Variants in SSH2 observed in about 807,000 individuals in gnomAD.
SSH2 encodes slingshot protein phosphatase 2, also known as protein phosphatase Slingshot homolog 2.
SSH2 carries 37 observed loss-of-function variants against 135.2 expected under a neutral mutation model. The ratio of observed to expected loss-of-function variants is 0.27; its 90% confidence interval spans 0.21 to 0.36. The LOEUF (loss-of-function observed/expected upper bound fraction) is 0.36, where lower values mean the gene tolerates loss of function less well. Among genes scored for constraint, SSH2 ranks in the 10% least tolerant of loss-of-function variants. The pLI is 1.00. For synonymous variants in SSH2, 628 were observed against 646.2 expected (o/e 0.97, Z 0.43); for missense variants, 1,408 against 1,765.3 (o/e 0.80, Z 3.63).
chr17:29,859,363 AG>A (rs1185603151), intron 1 of SSH2, among the ~76,000 whole-genome samples: 2 of 151,964 alleles, frequency 1.3e-5, no homozygotes, highest in Non-Finnish European at 2.9e-5. Flanking sequence ...CTCATGTCAC[AG>A]GGGTTTGCTT....
At chr17:29,656,467 C>T (rs1469533824) in intron 11 of SSH2, among the ~76,000 whole-genome samples, 12 of 151,940 alleles carry the variant, frequency 7.9e-5, no homozygotes, top group Admixed American at 5.9e-4. Flanking sequence ...TGAGACACCG[C>T]GCAGGGCCGC....
intron 2 of SSH2, among the ~76,000 whole-genome samples, chr17:29,846,517 A>G (rs1357732428): frequency 1.3e-5 from 2 of 152,246 alleles, no homozygotes; most frequent in African/African-American, 4.8e-5. Context: ...GTCATCTGCA[A>G]AATACTGATA....
At chr17:29,791,036 T>C (rs2042056551) in intron 3 of SSH2, among the ~76,000 whole-genome samples, 1 of 151,850 alleles carries the variant, frequency 6.6e-6, no homozygotes, top group African/African-American at 2.4e-5. Flanking sequence ...TCTGAAAGAT[T>C]ATTTTTATGA....
At chr17:29,864,596 T>C (rs2065821799) in intron 1 of SSH2, among the ~76,000 whole-genome samples, 1 of 151,508 alleles carries the variant, frequency 6.6e-6, no homozygotes, top group Admixed American at 6.6e-5. Context: ...CCACATTACT[T>C]GTAGTTGCAA....
intron 2 of SSH2, among the ~76,000 whole-genome samples, chr17:29,805,801 C>T (rs1323453197): frequency 6.6e-6 from 1 of 151,604 alleles, no homozygotes; most frequent in Non-Finnish European, 1.5e-5. Flanking sequence ...TAGCCTCTGC[C>T]TACTCAAGGT....
intron 1 of SSH2, among the ~76,000 whole-genome samples, chr17:29,908,766 A>AAAAG (rs2066705506): frequency 2.4e-5 from 3 of 126,700 alleles, no homozygotes; most frequent in Non-Finnish European, 4.8e-5. Context: ...TCCATCTGAA[A>AAAAG]AAAAAAAAAA....
At chr17:29,742,229 C>G (rs900078883) in intron 3 of SSH2, among the ~76,000 whole-genome samples, 2 of 151,560 alleles carry the variant, frequency 1.3e-5, no homozygotes, top group South Asian at 4.1e-4. Flanking sequence ...GCCACTGGCC[C>G]GGTTGCTTCA....
At chr17:29,849,738 C>A (rs1295032425) in intron 1 of SSH2, among the ~76,000 whole-genome samples, 3 of 150,396 alleles carry the variant, frequency 2.0e-5, no homozygotes, top group African/African-American at 7.3e-5. Context: ...GTGGCTCATG[C>A]CTGCTAATCC....
At chr17:29,663,407 T>C (rs1375941359) in intron 11 of SSH2, among the ~76,000 whole-genome samples, 1 of 152,110 alleles carries the variant, frequency 6.6e-6, no homozygotes, top group African/African-American at 2.4e-5. Flanking sequence ...AAAGACTCAA[T>C]GGAGAAGAGA....
intron 3 of SSH2, chr17:29,761,068 C>T (rs1458204410): frequency 7.9e-7 from 1 of 1,268,600 alleles, no homozygotes; most frequent in African/African-American, 1.5e-5. Context: ...TTGTTTGCTC[C>T]CCAGGATGCT....
rs1244071890 is a variant in SSH2 at position 29,688,505 on chromosome 17, A to C, written c.358-3821T>G. Among the ~76,000 whole-genome samples the C allele has an allele frequency of 2.6e-5, 4 of 151,036 alleles. No individual in the cohort carries two copies. In the East Asian group the frequency reaches 5.9e-4, roughly 22 times the overall value. On this transcript the variant is annotated intron_variant, in intron 5 of 15. Coordinates refer to ENST00000540801, the MANE Select transcript of SSH2 (RefSeq NM_001282129.2). ...AGCTTCTTTTTTGTTTTTGTGTTTC[A>C]CTCTGTTACCCAGGCTGGAATGCAG...
At chr17:29,742,500 T>TA (rs56020975) in intron 3 of SSH2, among the ~76,000 whole-genome samples, 1 of 145,928 alleles carries the variant, frequency 6.9e-6, no homozygotes, top group Admixed American at 6.8e-5. Context: ...TTTTTTTTTT[T>TA]CTTTTCAATT....
At chr17:29,644,975 T>C (rs962250908) in intron 14 of SSH2, 4 of 151,950 alleles carry the variant, frequency 2.6e-5, no homozygotes, top group Non-Finnish European at 5.9e-5. Context: ...CACCACAATA[T>C]AGGAAATTCT....
intron 1 of SSH2, among the ~76,000 whole-genome samples, chr17:29,862,001 G>A (rs995456102): frequency 2.0e-5 from 3 of 152,148 alleles, no homozygotes; most frequent in Non-Finnish European, 2.9e-5. Flanking sequence ...AAAGAGGATC[G>A]CAAAAACTTA....
In SSH2 at chr17:29,658,736, G is replaced by A. The variant is rs139658087; in HGVS notation, c.1033-3129C>T. 2.0e-3 allele frequency among the ~76,000 whole-genome samples: 311 copies of A among 151,912 alleles called. 1 individual carries two copies. The highest frequency in any genetic ancestry group is 7.2e-3 in the African/African-American group (298 of 41,416). ...TACAAAATTAGCCAGGTGTGGTGAC[G>A]CATGCCTGTAATCATAGCTACTTGG... On this transcript the variant is annotated intron_variant, in intron 11 of 15. Transcript: ENST00000540801.
intron 1 of SSH2, among the ~76,000 whole-genome samples, chr17:29,911,608 T>C (rs1489159427): frequency 6.6e-6 from 1 of 152,148 alleles, no homozygotes; most frequent in African/African-American, 2.4e-5. Context: ...TATGCTATAT[T>C]GCAATGTTAT....
intron 3 of SSH2, among the ~76,000 whole-genome samples, chr17:29,760,124 T>C (rs1185170006): frequency 6.6e-6 from 1 of 152,172 alleles, no homozygotes; most frequent in Non-Finnish European, 1.5e-5. Flanking sequence ...GGGCAAACCA[T>C]CTCTGAAAAT....
At chr17:29,695,633 G>T in intron 4 of SSH2, 110 bp from the exon 5 acceptor site, 3 of 833,736 alleles carry the variant, frequency 3.6e-6, no homozygotes, top group Non-Finnish European at 5.7e-6. Flanking sequence ...TTCATTAAAG[G>T]ACTCTAATTA....
At chr17:29,821,420 T>C (rs1469338208) in intron 2 of SSH2, among the ~76,000 whole-genome samples, 2 of 151,802 alleles carry the variant, frequency 1.3e-5, no homozygotes, top group Non-Finnish European at 1.5e-5. Flanking sequence ...CCCAGCTCCA[T>C]ATTTACTAAG....
Sources: gnomAD v4.1 joint callset for allele counts (sites outside exome capture counted in the v4.1 genomes callset) on GRCh38, gnomAD v4.1.1 for gene constraint, MANE v1.5 for transcripts, NCBI Gene and HGNC (gene_info 2026-07-23, HGNC 2026-07-21) for gene names.